Variants in WDR72 observed in about 807,000 individuals in gnomAD.
WDR72 encodes the protein WD repeat domain 72, also known as WD repeat-containing protein 72.
WDR72 carries 120 observed loss-of-function variants against 124.2 expected under a neutral mutation model. That is an observed-to-expected ratio of 0.97 (90% CI 0.83 to 1.12). WDR72 has a LOEUF of 1.12. Ranked by LOEUF, WDR72 falls within the 50% of genes most tolerant of loss-of-function variation. WDR72 has a pLI of 0.00. For synonymous variants in WDR72, 452 were observed against 441.7 expected (o/e 1.02, Z -0.29); for missense variants, 1,387 against 1,278.8 (o/e 1.08, Z -1.29).
At chr15:53,676,805 G>C (rs2016188899) in intron 13 of WDR72, among the ~76,000 whole-genome samples, 1 of 151,904 alleles carries the variant, frequency 6.6e-6, no homozygotes, top group Admixed American at 6.6e-5. Flanking sequence ...GTGTTAATTT[G>C]TTATACGCAA....
chr15:53,544,866 C>T (rs1272082203), intron 18 of WDR72, among the ~76,000 whole-genome samples: 2 of 151,556 alleles, frequency 1.3e-5, no homozygotes, highest in African/African-American at 2.4e-5. Context: ...TATACACCAA[C>T]AACAGACAAA....
chr15:53,695,114 A>C (rs1037016548), intron 13 of WDR72, among the ~76,000 whole-genome samples: 2 of 152,232 alleles, frequency 1.3e-5, no homozygotes, highest in African/African-American at 4.8e-5. Context: ...GGTATTTTTA[A>C]AAAGTATTAT....
chr15:53,515,483 GC>G lies in WDR72; in HGVS notation c.*2215del, dbSNP rs1454065349. The G allele has an allele frequency of 1.3e-5, 2 of 152,286 alleles. No homozygotes were observed. Among genetic ancestry groups the G allele is most frequent in the East Asian group, 3.9e-4 (2 of 5,182 alleles). The allele number at this position is 152,286 out of a possible 1,614,324, so 9.4% of individuals were successfully genotyped here. ...GTGAATTTGTGTCATAAACACACTTGCGTATGGATATTAGGAGAGCATTGCT... is the reference window on the plus strand; with the variant it reads ...GTGAATTTGTGTCATAAACACACTTGGTATGGATATTAGGAGAGCATTGCT... On this transcript the variant is annotated 3_prime_UTR_variant, in exon 20 of 20. Transcript: ENST00000360509.
chr15:53,665,767 G>C lies in WDR72; in HGVS notation c.1767C>G (p.Gly589=). 6.2e-7 allele frequency: 1 copy of C among 1,613,506 alleles called. No homozygotes were observed. Among genetic ancestry groups the C allele is most frequent in the Non-Finnish European group, 8.5e-7 (1 of 1,179,732 alleles). Residue 589 remains glycine (G), a splice_region_variant and synonymous_variant, in exon 14 of 20, where the codon GGC becomes GGG. Transcript: ENST00000360509. ...CTCCTGTCTCATGTCTTTCCAAAGTGCCTGGAAAACAAGATTAGAGGTAAA... is the reference window on the plus strand; with the variant it reads ...CTCCTGTCTCATGTCTTTCCAAAGTCCCTGGAAAACAAGATTAGAGGTAAA... The part of the protein sequence containing the change: ...DSVYIWEIET[G]TLERHETGER...
At chr15:53,523,055 A>G (rs1187691176) in intron 19 of WDR72, among the ~76,000 whole-genome samples, 163 bp downstream of exon 19, 2 of 152,032 alleles carry the variant, frequency 1.3e-5, no homozygotes, top group Non-Finnish European at 2.9e-5. Flanking sequence ...AGGAAAAGAT[A>G]ACAGCTCCAC....
chr15:53,739,106 C>A (rs2018437285), intron 1 of WDR72, among the ~76,000 whole-genome samples: 1 of 152,090 alleles, frequency 6.6e-6, no homozygotes, highest in East Asian at 1.9e-4. Context: ...CATAAATTCT[C>A]CTAAGTAAAG....
chr15:53,574,783 C>G (rs1464776217), intron 18 of WDR72, among the ~76,000 whole-genome samples: 1 of 151,806 alleles, frequency 6.6e-6, no homozygotes, highest in Non-Finnish European at 1.5e-5. Flanking sequence ...AATAAATTAA[C>G]AGAGGCTTTT....
chr15:53,739,768 C>T (rs550269276), intron 1 of WDR72, among the ~76,000 whole-genome samples: 1 of 152,244 alleles, frequency 6.6e-6, no homozygotes, highest in South Asian at 2.1e-4. Flanking sequence ...CTTGGCTTGG[C>T]TAACGTGTGC....
At chr15:53,688,543 A>G (rs1475279664) in intron 13 of WDR72, among the ~76,000 whole-genome samples, 1 of 152,080 alleles carries the variant, frequency 6.6e-6, no homozygotes, top group African/African-American at 2.4e-5. Flanking sequence ...ACTACAAACC[A>G]CTGCTCGAGG....
chr15:53,618,416 G>T (rs1054351342), intron 14 of WDR72, among the ~76,000 whole-genome samples: 2 of 151,890 alleles, frequency 1.3e-5, no homozygotes, highest in Non-Finnish European at 1.5e-5. Context: ...CTATAACTAT[G>T]GGCCTCTTAA....
At chr15:53,732,926 G>A in intron 2 of WDR72, 71 bp downstream of exon 2, 3 of 1,569,744 alleles carry the variant, frequency 1.9e-6, no homozygotes, top group Non-Finnish European at 2.6e-6. Context: ...CACTGTCATT[G>A]CAGATAGAAA....
intron 13 of WDR72, among the ~76,000 whole-genome samples, chr15:53,670,342 A>T (rs1366056510): frequency 6.6e-6 from 1 of 152,236 alleles, no homozygotes; most frequent in Non-Finnish European, 1.5e-5. Context: ...AGCACACAGA[A>T]ATATAAGAAA....
chr15:53,550,214 G>A (rs1377626508), intron 18 of WDR72, among the ~76,000 whole-genome samples: 1 of 152,150 alleles, frequency 6.6e-6, no homozygotes, highest in African/African-American at 2.4e-5. Flanking sequence ...GGTTCAGATA[G>A]TAAATATTTT....
intron 1 of WDR72, among the ~76,000 whole-genome samples, chr15:53,753,462 G>A (rs969916634): frequency 6.6e-5 from 10 of 152,218 alleles, no homozygotes; most frequent in Non-Finnish European, 1.2e-4. Flanking sequence ...CATCAGCAAG[G>A]CTATGAATGC....
At chr15:53,711,232 C>T in intron 8 of WDR72, 104 bp downstream of exon 8, 10 of 1,553,180 alleles carry the variant, frequency 6.4e-6, no homozygotes, top group Non-Finnish European at 8.8e-6. Flanking sequence ...TTGTTTTGTT[C>T]TGGTTTTTGA....
At chr15:53,714,560 G>A in intron 5 of WDR72, 50 bp from the exon 6 acceptor site, 1 of 1,434,552 alleles carries the variant, frequency 7.0e-7, no homozygotes, top group Non-Finnish European at 9.8e-7. Context: ...ATATAATTGG[G>A]TAGGTAAAAA....
At chr15:53,620,732 G>C (rs1194361122) in intron 14 of WDR72, among the ~76,000 whole-genome samples, 1 of 152,060 alleles carries the variant, frequency 6.6e-6, no homozygotes. Flanking sequence ...CTAGACATCA[G>C]CCTAGGCAAG....
chr15:53,649,844 G>A (rs1000279073), intron 14 of WDR72, among the ~76,000 whole-genome samples: 5 of 152,110 alleles, frequency 3.3e-5, no homozygotes, highest in African/African-American at 1.2e-4. Context: ...CACACTGTGG[G>A]TAGAAATGCA....
Position 53,665,306 on chromosome 15 carries a change from T to G in WDR72, c.1962+266A>C, listed in dbSNP as rs551301909. On this transcript the variant is annotated intron_variant, in intron 14 of 19. Transcript: ENST00000360509. ...GAATATAAATGTTTTCCCTTCCTTA[T>G]GTTAAATCACCTAGGATTCAAGGGT... Among the ~76,000 whole-genome samples, 13 of 152,306 alleles carry G rather than the reference T, an allele frequency of 8.5e-5. 1 individual carries two copies. Among genetic ancestry groups the G allele is most frequent in the South Asian group, 6.2e-4 (3 of 4,828 alleles).
Sources: allele counts gnomAD v4.1 joint callset (sites outside exome capture counted in the v4.1 genomes callset), GRCh38; gene constraint gnomAD v4.1.1; transcripts MANE v1.5; gene names NCBI Gene and HGNC (gene_info 2026-07-23, HGNC 2026-07-21).